Variants in CDH12 observed in about 807,000 individuals in gnomAD.
CDH12 encodes the protein cadherin-12.
CDH12 carries 41 observed loss-of-function variants against 74.1 expected under a neutral mutation model. The ratio of observed to expected loss-of-function variants is 0.55; its 90% CI spans 0.43 to 0.72. The LOEUF (loss-of-function observed/expected upper bound fraction) is 0.72. Among genes scored for constraint, CDH12 ranks in the 30% least tolerant of loss-of-function variants. The pLI is 0.00. For synonymous variants in CDH12, 399 were observed against 355.0 expected (o/e 1.12, Z -1.39); for missense variants, 945 against 977.2 (o/e 0.97, Z 0.44).
At chr5:22,445,285 G>A (rs1234815931) in intron 2 of CDH12, among the ~76,000 whole-genome samples, 1 of 152,044 alleles carries the variant, frequency 6.6e-6, no homozygotes, top group East Asian at 1.9e-4. Flanking sequence ...CTAAGTAAAT[G>A]AATGAGAACT....
intron 3 of CDH12, among the ~76,000 whole-genome samples, chr5:22,240,599 T>G (rs901346824): frequency 6.6e-6 from 1 of 152,168 alleles, no homozygotes; most frequent in African/African-American, 2.4e-5. Context: ...AATGGTGCGA[T>G]CTCGGCTCAC....
chr5:22,441,902 C>T (rs1438543211), intron 2 of CDH12, among the ~76,000 whole-genome samples: 1 of 151,986 alleles, frequency 6.6e-6, no homozygotes, highest in Non-Finnish European at 1.5e-5. Context: ...CAGGGTTTCA[C>T]CATGTTGACC....
chr5:22,474,645 A>C (rs1174055799), intron 2 of CDH12, among the ~76,000 whole-genome samples: 1 of 152,148 alleles, frequency 6.6e-6, no homozygotes, highest in Non-Finnish European at 1.5e-5. Context: ...ACATGACCAG[A>C]GAGACAGATA....
intron 4 of CDH12, among the ~76,000 whole-genome samples, chr5:22,122,459 C>T (rs1745573902): frequency 6.6e-6 from 1 of 152,056 alleles, no homozygotes; most frequent in South Asian, 2.1e-4. Flanking sequence ...GCTTATAAGG[C>T]CCCACAAGAT....
Position 21,975,202 on chromosome 5 carries a change from G to C in CDH12, c.415C>G (p.Pro139Ala). The C allele has an allele frequency of 6.3e-7, 1 of 1,596,982 alleles. No individual in the cohort carries two copies. The change falls in exon 6 of 15, where the codon CCC (proline) becomes GCC (alanine). Residue 139 changes from proline to alanine, a missense_variant. By Grantham distance (27) the Pro-to-Ala change is conservative. Around this residue, in one of 3 missense-constraint regions of CDH12, gnomAD observed 6 missense variants for 21.7 expected, o/e 0.28. Transcript: ENST00000382254. The part of the protein sequence containing the change: ...AQAVDIETRK[P>A]LEPESEFIIK... The stretch of plus-strand genomic sequence containing the variant: ...ATGAATTCTGATTCAGGCTCCAGGG[G>C]CTTTCTGGTTTCTATGTCCACAGCC...
chr5:22,838,651 C>CTGTGTGTG (rs369033220), intron 1 of CDH12, among the ~76,000 whole-genome samples: 3,689 of 143,914 alleles, frequency 0.026, 77 homozygotes, highest in Admixed American at 0.031. Context: ...GTGAGAGTGT[C>CTGTGTGTG]TGTGTGTGTG....
At chr5:21,854,162 G>A (rs1750627996) in intron 7 of CDH12, among the ~76,000 whole-genome samples, 1 of 151,478 alleles carries the variant, frequency 6.6e-6, no homozygotes, top group Non-Finnish European at 1.5e-5. Context: ...TGAAGATATA[G>A]GCAAACAAAA....
chr5:22,232,920 T>C (rs1470093895), intron 3 of CDH12, among the ~76,000 whole-genome samples: 1 of 149,408 alleles, frequency 6.7e-6, no homozygotes, highest in Non-Finnish European at 1.5e-5. Context: ...TCTCTCTCAT[T>C]GGATTGCTTT....
At chr5:22,050,241 G>C (rs1280757568) in intron 5 of CDH12, among the ~76,000 whole-genome samples, 5 of 151,936 alleles carry the variant, frequency 3.3e-5, no homozygotes, top group Admixed American at 6.6e-5. Flanking sequence ...ATTTTTGTCT[G>C]AACTCTCCTT....
At chr5:22,811,378 GAGAACCT>G (rs1278472438) in intron 1 of CDH12, among the ~76,000 whole-genome samples, 7 of 152,146 alleles carry the variant, frequency 4.6e-5, no homozygotes, top group African/African-American at 1.4e-4. Context: ...AGCAGAAAGA[GAGAACCT>G]AGGCCCCTAA....
chr5:22,100,918 C>T (rs1203459894), intron 4 of CDH12, among the ~76,000 whole-genome samples: 1 of 151,662 alleles, frequency 6.6e-6, no homozygotes, highest in Non-Finnish European at 1.5e-5. Context: ...GAGTTATGTC[C>T]ATTGTTTACC....
intron 1 of CDH12, among the ~76,000 whole-genome samples, chr5:22,596,203 G>A (rs1280596320): frequency 2.0e-5 from 3 of 151,950 alleles, no homozygotes; most frequent in African/African-American, 2.4e-5. Flanking sequence ...CTGGGAGGCC[G>A]AGACTGGATG....
At chr5:22,385,034 C>A (rs986348357) in intron 3 of CDH12, among the ~76,000 whole-genome samples, 2 of 151,992 alleles carry the variant, frequency 1.3e-5, no homozygotes, top group African/African-American at 2.4e-5. Context: ...TAATGAATGT[C>A]TTTTAGTAGA....
intron 6 of CDH12, among the ~76,000 whole-genome samples, chr5:21,969,411 G>A (rs952927693): frequency 1.3e-4 from 20 of 152,288 alleles, no homozygotes; most frequent in African/African-American, 4.8e-4. Flanking sequence ...GAATATGGCA[G>A]AAGGGATGTG....
chr5:21,938,717 AATATACATATATAT>A (rs1755185563), intron 6 of CDH12, among the ~76,000 whole-genome samples: 1 of 106,702 alleles, frequency 9.4e-6, no homozygotes, highest in Admixed American at 9.5e-5. Context: ...TTATATATAT[AATATACATATATAT>A]ATATATATAT....
intron 5 of CDH12, among the ~76,000 whole-genome samples, chr5:22,023,604 A>T (rs1049686655): frequency 6.6e-6 from 1 of 151,822 alleles, no homozygotes; most frequent in East Asian, 1.9e-4. Context: ...CACACACACA[A>T]ATTTCTATAA....
At position 22,044,579 on chromosome 5, in the gene CDH12, C is replaced by T. The variant is rs113119753; in HGVS notation, c.231+33867G>A. ...TCCATCCCTCAACATGTGGGGATTA[C>T]AATTTGTAATGAGATTTGGGTGGGG... On this transcript the variant is annotated intron_variant, in intron 5 of 14. Coordinates refer to ENST00000382254, the MANE Select transcript of CDH12 (RefSeq NM_004061.5). 9.7e-4 allele frequency among the ~76,000 whole-genome samples: 147 copies of T among 152,274 alleles called. 2 individuals carry two copies. Among genetic ancestry groups the T allele is most frequent in the African/African-American group, 3.1e-3 (130 of 41,568 alleles).
intron 1 of CDH12, among the ~76,000 whole-genome samples, chr5:22,815,793 A>T (rs934070469): frequency 6.6e-6 from 1 of 150,482 alleles, no homozygotes; most frequent in African/African-American, 2.4e-5. Flanking sequence ...AAATAAATAA[A>T]TAATAAAAAT....
intron 1 of CDH12, among the ~76,000 whole-genome samples, chr5:22,756,316 T>C (rs2127045690): frequency 6.6e-6 from 1 of 152,222 alleles, no homozygotes; most frequent in Admixed American, 6.5e-5. Context: ...CATTCAAAGA[T>C]ACATAAGTTC....
Sources: gnomAD v4.1 joint callset for allele counts (sites outside exome capture counted in the v4.1 genomes callset) on GRCh38, gnomAD v4.1.1 for gene constraint, gnomAD v4.1.1 regional missense constraint, MANE v1.5 for transcripts, NCBI Gene and HGNC (gene_info 2026-07-23, HGNC 2026-07-21) for gene names.